The following ZCRB1 variants were observed in gnomAD, a reference collection of about 807,000 sequenced individuals.
ZCRB1 encodes zinc finger CCHC-type and RNA-binding motif-containing protein 1.
ZCRB1 carries 21 observed loss-of-function variants against 29.9 expected under a neutral mutation model. The observed-to-expected ratio is 0.70, with a 90% confidence interval of 0.50 to 1.01. The LOEUF is 1.01. ZCRB1 is among the 50% of genes least tolerant of loss of function. The probability of loss-of-function intolerance (pLI) is 0.00; values close to 1 mark genes in which losing one functional copy is unlikely to be tolerated. For synonymous variants in ZCRB1, 77 were observed against 80.0 expected, an observed-to-expected ratio of 0.96 and a Z score of 0.20; for missense variants, 204 against 253.3, an observed-to-expected ratio of 0.81 and a Z score of 1.32.
intron 1 of ZCRB1, among the ~76,000 whole-genome samples, chr12:42,324,743 G>A (rs537089036): frequency 2.6e-5 from 4 of 152,224 alleles, no homozygotes; most frequent in East Asian, 1.9e-4. Context: ...GTAGGGAGAC[G>A]GGTTTTGAAC....
intron 3 of ZCRB1, among the ~76,000 whole-genome samples, chr12:42,321,009 T>G (rs2068618754): frequency 6.6e-6 from 1 of 152,192 alleles, no homozygotes; most frequent in African/African-American, 2.4e-5. Context: ...TGATCTCACT[T>G]TATTTTCTCT....
chr12:42,312,677 T>C lies in ZCRB1; in HGVS notation c.*390A>G, dbSNP rs2068575285. ...TTTAGAGCTATGTTACTTTATATTT[T>C]ATAGGTATTTATAATTTATTTTATA... On this transcript the variant is annotated 3_prime_UTR_variant, in exon 8 of 8. Transcript: ENST00000266529. 6.6e-6 allele frequency: 1 copy of C among 152,490 alleles called. No homozygotes were observed. The highest frequency in any genetic ancestry group is 1.5e-5 in the Non-Finnish European group (1 of 68,234). 9.4% of individuals were successfully genotyped at this position (152,490 alleles called of 1,614,324 possible). A position where few individuals can be genotyped will look rare whatever the true frequency, so the allele number is the denominator to read the frequency against.
intron 3 of ZCRB1, among the ~76,000 whole-genome samples, chr12:42,320,504 T>A (rs534020199): frequency 1.6e-4 from 24 of 152,072 alleles, no homozygotes; most frequent in Non-Finnish European, 2.9e-4. Context: ...AGTGGTGTGA[T>A]CTTGGTTCAC....
chr12:42,313,551 C>T (rs987191290), intron 7 of ZCRB1, 139 bp downstream of exon 7: 16 of 906,438 alleles, frequency 1.8e-5, no homozygotes, highest in Non-Finnish European at 2.6e-5. Context: ...CTAAGTACCT[C>T]AGAGAAACAG....
At chr12:42,315,815 T>C (rs893897498) in intron 5 of ZCRB1, among the ~76,000 whole-genome samples, 1 of 152,244 alleles carries the variant, frequency 6.6e-6, no homozygotes, top group African/African-American at 2.4e-5. Context: ...GAAAAGTTTC[T>C]AAAGTGTTTA....
In ZCRB1 at chr12:42,313,035, C is replaced by T; in HGVS notation, c.*32G>A. On this transcript the variant is annotated 3_prime_UTR_variant, in exon 8 of 8. Coordinates refer to ENST00000266529, the MANE Select transcript of ZCRB1 (RefSeq NM_033114.4). ...CTCTTCAAGATTGTTACTAACAAATCTTGATTTTTATTACTGTGCTGGGGC... is the reference window on the plus strand; with the variant it reads ...CTCTTCAAGATTGTTACTAACAAATTTTGATTTTTATTACTGTGCTGGGGC... The T allele has an allele frequency of 6.7e-7, 1 of 1,494,816 alleles. No individual in the cohort carries two copies. Among genetic ancestry groups the T allele is most frequent in the East Asian group, 2.4e-5 (1 of 42,460 alleles). The allele number at this position is 1,494,816 out of a possible 1,614,324, so 92.6% of individuals were successfully genotyped here.
chr12:42,319,884 G>A (rs1376864400), intron 3 of ZCRB1, among the ~76,000 whole-genome samples: 1 of 152,088 alleles, frequency 6.6e-6, no homozygotes, highest in Non-Finnish European at 1.5e-5. Flanking sequence ...TCATTCATTC[G>A]GTCACTCAGT....
In ZCRB1 at chr12:42,323,003, T is replaced by A. The variant is rs2068629151; in HGVS notation, c.85-557A>T. On this transcript the variant is annotated intron_variant, in intron 2 of 7. Coordinates refer to ENST00000266529, the MANE Select transcript of ZCRB1 (RefSeq NM_033114.4). ...CTTCCTCTGCCCACCATTAACATGT[T>A]GGTGGAACTTTATACTTGGCTCTCT... Among the ~76,000 whole-genome samples, 3 of 152,242 alleles carry A rather than the reference T, an allele frequency of 2.0e-5. No homozygotes were observed. The South Asian group carries it at 6.2e-4, about 32-fold the overall frequency.
At chr12:42,322,839 T>C (rs1296751380) in intron 2 of ZCRB1, among the ~76,000 whole-genome samples, 2 of 152,236 alleles carry the variant, frequency 1.3e-5, no homozygotes, top group Non-Finnish European at 1.5e-5. Context: ...TTTCCAATTC[T>C]ACCCTCACCA....
At position 42,317,384 on chromosome 12, in the gene ZCRB1, G is replaced by A. The variant is rs765343894; in HGVS notation, c.289C>T (p.Arg97Ter). The change falls in exon 5 of 8, where the codon CGA becomes TGA. Residue 97 changes from arginine to a stop codon, truncating the protein, a stop_gained. Coordinates refer to ENST00000266529, the MANE Select transcript of ZCRB1 (RefSeq NM_033114.4). LOFTEE classifies it high-confidence loss of function. Reference sequence around the variant, plus strand: ...GATTTATCAAAGTAGTTTCGCCTTCGGATGAACTCAGCTGCTCTTCCATTG... The same window carrying A: ...GATTTATCAAAGTAGTTTCGCCTTCAGATGAACTCAGCTGCTCTTCCATTG... Reference protein sequence around the residue: ...IDNGRAAEFIRRRNYFDKSKC... With the variant: ...IDNGRAAEFI The A allele has an allele frequency of 7.4e-6, 12 of 1,612,592 alleles. No homozygotes were observed. Among genetic ancestry groups the A allele is most frequent in the Non-Finnish European group, 9.3e-6 (11 of 1,179,624 alleles).
chr12:42,324,166 G>C (rs1452526685), intron 1 of ZCRB1, 62 bp from the exon 2 acceptor site: 1 of 1,494,892 alleles, frequency 6.7e-7, no homozygotes, highest in Non-Finnish European at 9.3e-7. Context: ...TTTGTTGTTT[G>C]AGACGGAGTT....
chr12:42,324,583 C>G (rs1349431660), intron 1 of ZCRB1, among the ~76,000 whole-genome samples: 4 of 152,230 alleles, frequency 2.6e-5, no homozygotes, highest in African/African-American at 9.6e-5. Flanking sequence ...TGTACACCTT[C>G]CTTACATTTT....
intron 3 of ZCRB1, among the ~76,000 whole-genome samples, chr12:42,321,540 C>A (rs1321376508): frequency 6.6e-6 from 1 of 152,176 alleles, no homozygotes; most frequent in African/African-American, 2.4e-5. Context: ...AGTGTTTGGA[C>A]TGATGACAAT....
intron 3 of ZCRB1, among the ~76,000 whole-genome samples, chr12:42,318,252 A>T (rs991354303): frequency 6.6e-6 from 1 of 152,232 alleles, no homozygotes; most frequent in African/African-American, 2.4e-5. Flanking sequence ...ACAAAAAGTA[A>T]AATGATTTAT....
At chr12:42,315,081 G>A (rs755933292) in intron 5 of ZCRB1, among the ~76,000 whole-genome samples, 3 of 152,208 alleles carry the variant, frequency 2.0e-5, no homozygotes, top group Non-Finnish European at 4.4e-5. Flanking sequence ...TCACTAGCCA[G>A]CCAATGTGGC....
Position 42,317,453 on chromosome 12 carries a change from CAA to C in ZCRB1, c.226-8_226-7del. On this transcript the variant is annotated splice_region_variant and splice_polypyrimidine_tract_variant and intron_variant, in intron 4 of 7. Transcript: ENST00000266529. ...TTTATCACTCTACCAAATAACTAAA[CAA>C]GAGAAAAATGTAAATGTAGAATGTA... is the stretch of plus-strand genomic sequence containing the variant. The C allele has an allele frequency of 6.3e-7, 1 of 1,580,476 alleles. No homozygotes were observed. The highest frequency in any genetic ancestry group is 8.6e-7 in the Non-Finnish European group (1 of 1,163,322).
At chr12:42,322,518 T>C (rs753501580) in intron 2 of ZCRB1, 72 bp from the exon 3 acceptor site, 32 of 1,347,702 alleles carry the variant, frequency 2.4e-5, no homozygotes, top group Non-Finnish European at 3.1e-5. Context: ...GTTGCAGACA[T>C]TGACCAAATT....
At chr12:42,324,792 C>T (rs2068664211) in intron 1 of ZCRB1, among the ~76,000 whole-genome samples, 1 of 152,232 alleles carries the variant, frequency 6.6e-6, no homozygotes, top group South Asian at 2.1e-4. Context: ...CTAACTTCCA[C>T]TCAGACCATG....
Position 42,313,188 on chromosome 12 carries a change from A to C in ZCRB1, c.533T>G (p.Ile178Ser). ...SQAIAFQQAK[I>S]EEEQKKWKPS... ...TTTCCATTTTTTTTGTTCTTCTTCA[A>C]TTTTGGCTTGCTGTGATTCAAAAAA... The change falls in exon 8 of 8, where the codon ATT becomes AGT. Residue 178 changes from isoleucine to serine, a missense_variant. By Grantham distance (142) the Ile-to-Ser change is moderately radical. Coordinates refer to ENST00000266529, the MANE Select transcript of ZCRB1 (RefSeq NM_033114.4). 6.2e-7 allele frequency: 1 copy of C among 1,609,700 alleles called. No individual in the cohort carries two copies. The highest frequency in any genetic ancestry group is 8.5e-7 in the Non-Finnish European group (1 of 1,178,600).
Sources: allele counts gnomAD v4.1 joint callset (sites outside exome capture counted in the v4.1 genomes callset), GRCh38; gene constraint gnomAD v4.1.1; transcripts MANE v1.5; gene names NCBI Gene and HGNC (gene_info 2026-07-23, HGNC 2026-07-21).